The following FAAH2 variants were observed in gnomAD, a reference collection of about 807,000 sequenced individuals.
FAAH2 encodes the protein fatty-acid amide hydrolase 2.
FAAH2 carries 60 observed loss-of-function variants against 36.9 expected under a neutral mutation model. The observed-to-expected ratio is 1.63, with a 90% CI of 1.32 to 2.02. The LOEUF (loss-of-function observed/expected upper bound fraction) is 2.02. Ranked by LOEUF, FAAH2 falls within the 30% of genes most tolerant of loss-of-function variation. FAAH2 has a pLI of 0.00. For missense variants in FAAH2, 689 were observed against 397.5 expected (o/e 1.73, Z -6.23); for synonymous variants, 214 against 143.8 (o/e 1.49, Z -3.49).
At chrX:57,206,467 G>A in the FAAH2 span, among the ~76,000 whole-genome samples, 4 of 111,529 alleles carry the variant, frequency 3.6e-5, no homozygotes, top group African/African-American at 1.3e-4. Context: ...AATATTTCTC[G>A]AGTGGGGGCA....
At chrX:57,246,352 G>A in the FAAH2 span, among the ~76,000 whole-genome samples, 19 of 111,736 alleles carry the variant, frequency 1.7e-4, no homozygotes, top group African/African-American at 5.9e-4. Context: ...AGAAAAAAAG[G>A]GAATCCTCCT....
intron 7 of FAAH2, among the ~76,000 whole-genome samples, chrX:57,398,434 C>A (rs758901745): frequency 3.7e-4 from 42 of 112,214 alleles, no homozygotes; most frequent in Non-Finnish European, 7.3e-4. Flanking sequence ...ATTATTCCGT[C>A]AAATATGTTT....
At chrX:57,441,481 T>A (rs757960797) in intron 8 of FAAH2, among the ~76,000 whole-genome samples, 6 of 111,089 alleles carry the variant, frequency 5.4e-5, no homozygotes, top group Non-Finnish European at 1.1e-4. Flanking sequence ...ATCTATTTGA[T>A]TCCTCTCTCT....
intron 3 of FAAH2, among the ~76,000 whole-genome samples, chrX:57,311,067 A>T (rs1486756782): frequency 8.9e-6 from 1 of 112,279 alleles, no homozygotes; most frequent in Non-Finnish European, 1.9e-5. Flanking sequence ...TTGAATTCTG[A>T]TAAATACCTG....
intron 7 of FAAH2, among the ~76,000 whole-genome samples, chrX:57,426,645 A>G (rs941731480): frequency 1.8e-5 from 2 of 112,279 alleles, no homozygotes; most frequent in African/African-American, 6.5e-5. Context: ...ATGTTCCTGC[A>G]TAATCTTTGA....
intron 7 of FAAH2, among the ~76,000 whole-genome samples, chrX:57,413,219 T>C (rs1198228051): frequency 4.5e-5 from 5 of 112,308 alleles, no homozygotes; most frequent in African/African-American, 1.6e-4. Flanking sequence ...TGAAGCTCTT[T>C]AGTTTAATTA....
rs139256084 is a variant in FAAH2, at chrX:57,419,203, C to T, written c.997-12715C>T. The stretch of plus-strand genomic sequence containing the variant: ...ATATGTGCATGTGTCTTTATAACAG[C>T]GTGATTTATAGTCCTTTGGGTATAT... On this transcript the variant is annotated intron_variant, in intron 7 of 10. Coordinates refer to ENST00000374900, the MANE Select transcript of FAAH2 (RefSeq NM_174912.4). Among the ~76,000 whole-genome samples the T allele has an allele frequency of 7.5e-3, 836 of 111,084 alleles. 4 individuals carry two copies. The highest frequency in any genetic ancestry group is 0.012 in the Non-Finnish European group (648 of 52,983).
chrX:57,404,510 G>A (rs2147314303), intron 7 of FAAH2, among the ~76,000 whole-genome samples: 1 of 111,692 alleles, frequency 9.0e-6, no homozygotes, highest in South Asian at 3.7e-4. Flanking sequence ...CTAAGGCCCT[G>A]ACAAGGGTGG....
chrX:57,347,680 C>A (rs1040765990), intron 5 of FAAH2, among the ~76,000 whole-genome samples: 1 of 76,390 alleles, frequency 1.3e-5, no homozygotes, highest in African/African-American at 6.6e-5. Flanking sequence ...TGCACTTATT[C>A]TTTCTCCTCT....
At chrX:57,239,508 T>A in the FAAH2 span, among the ~76,000 whole-genome samples, 1 of 110,196 alleles carries the variant, frequency 9.1e-6, no homozygotes, top group Non-Finnish European at 1.9e-5. Flanking sequence ...CCTTGGGGAA[T>A]CTGATTTCTA....
chrX:57,487,444 C>T (rs1285776370), intron 10 of FAAH2, among the ~76,000 whole-genome samples: 1 of 111,460 alleles, frequency 9.0e-6, no homozygotes, highest in Non-Finnish European at 1.9e-5. Flanking sequence ...AAGACGATAA[C>T]CCAACTTAAA....
At chrX:57,393,088 A>T in intron 7 of FAAH2, 1 of 928,511 alleles carries the variant, frequency 1.1e-6, no homozygotes, top group Non-Finnish European at 1.6e-6. Context: ...TCTGCCAGTG[A>T]GTGCACTTCA....
At chrX:57,366,972 CT>C (rs1471416128) in intron 5 of FAAH2, among the ~76,000 whole-genome samples, 1 of 112,252 alleles carries the variant, frequency 8.9e-6, no homozygotes, top group Non-Finnish European at 1.9e-5. Context: ...AACCTCTGGA[CT>C]CCATACAGGC....
chrX:57,152,617 A>G, the FAAH2 span, among the ~76,000 whole-genome samples: 1 of 112,066 alleles, frequency 8.9e-6, no homozygotes, highest in Non-Finnish European at 1.9e-5. Context: ...AGCCAGTTGG[A>G]AAAGTGCAGT....
At chrX:57,274,053 A>G in the FAAH2 span, among the ~76,000 whole-genome samples, 1 of 111,762 alleles carries the variant, frequency 8.9e-6, no homozygotes, top group South Asian at 3.7e-4. Flanking sequence ...AATCAAGTAG[A>G]CAAAATAAAA....
At chrX:57,390,459 A>T (rs746027969) in intron 7 of FAAH2, among the ~76,000 whole-genome samples, 1 of 111,579 alleles carries the variant, frequency 9.0e-6, no homozygotes, top group Non-Finnish European at 1.9e-5. Context: ...TTTATCCCAC[A>T]GGTAATTTTT....
At chrX:57,245,695 T>C in the FAAH2 span, among the ~76,000 whole-genome samples, 9 of 112,035 alleles carry the variant, frequency 8.0e-5, no homozygotes, top group African/African-American at 2.9e-4. Flanking sequence ...AAAAACACAA[T>C]GTGGCAGAAT....
intron 7 of FAAH2, among the ~76,000 whole-genome samples, chrX:57,387,723 A>T (rs1179308471): frequency 9.0e-6 from 1 of 111,651 alleles, no homozygotes; most frequent in East Asian, 2.8e-4. Context: ...ACACTCCAAA[A>T]TTCCATCACA....
At chrX:57,485,338 G>A (rs1394443646) in intron 10 of FAAH2, among the ~76,000 whole-genome samples, 1 of 111,267 alleles carries the variant, frequency 9.0e-6, no homozygotes. Flanking sequence ...TCAAAGAAAT[G>A]CCAAGCCATG....
Sources: allele counts gnomAD v4.1 joint callset (sites outside exome capture counted in the v4.1 genomes callset), GRCh38; gene constraint gnomAD v4.1.1; transcripts MANE v1.5; gene names NCBI Gene and HGNC (gene_info 2026-07-23, HGNC 2026-07-21).